PKNOX2: variants seen among roughly 807,000 people sequenced by gnomAD.
PKNOX2 encodes the protein homeobox protein PKNOX2.
In PKNOX2, 14 loss-of-function variants were observed where a neutral mutation model predicts 53.1. The observed-to-expected ratio is 0.26, with a 90% CI of 0.17 to 0.41. The LOEUF (loss-of-function observed/expected upper bound fraction) is 0.41. PKNOX2 is among the 10% of genes least tolerant of loss of function. The probability of loss-of-function intolerance (pLI) is 1.00; values close to 1 mark genes in which losing one functional copy is unlikely to be tolerated. For synonymous variants in PKNOX2, 257 were observed against 242.8 expected (o/e 1.06, Z -0.54); for missense variants, 496 against 602.8 (o/e 0.82, Z 1.85).
chr11:125,300,517 C>T (rs1191053042), intron 2 of PKNOX2, among the ~76,000 whole-genome samples: 8 of 152,122 alleles, frequency 5.3e-5, no homozygotes, highest in Admixed American at 1.3e-4. Context: ...AGCCCAGGCT[C>T]TTAATCACCA....
chr11:125,312,567 G>T (rs563772628), intron 2 of PKNOX2, among the ~76,000 whole-genome samples: 65 of 152,266 alleles, frequency 4.3e-4, no homozygotes, highest in Admixed American at 2.4e-3. Flanking sequence ...GAGGGCCGGG[G>T]CAGCGGGTGC....
intron 1 of PKNOX2, among the ~76,000 whole-genome samples, chr11:125,208,131 A>C (rs938672909): frequency 6.6e-6 from 1 of 152,100 alleles, no homozygotes; most frequent in African/African-American, 2.4e-5. Flanking sequence ...ATGGATGAGA[A>C]TCACTTTTGA....
intron 1 of PKNOX2, among the ~76,000 whole-genome samples, chr11:125,207,120 G>T (rs902363731): frequency 1.3e-5 from 2 of 151,882 alleles, no homozygotes; most frequent in African/African-American, 2.4e-5. Flanking sequence ...TCATTCTAGG[G>T]GGGTGGTGGT....
chr11:125,220,823 T>C (rs1480900564), intron 1 of PKNOX2, among the ~76,000 whole-genome samples: 2 of 152,140 alleles, frequency 1.3e-5, no homozygotes, highest in African/African-American at 4.8e-5. Flanking sequence ...GCCCAACCAG[T>C]AGACACAACA....
chr11:125,358,947 G>A (rs1010668688), intron 4 of PKNOX2, among the ~76,000 whole-genome samples: 1 of 152,228 alleles, frequency 6.6e-6, no homozygotes, highest in Non-Finnish European at 1.5e-5. Flanking sequence ...AGATGAGGCA[G>A]GAGTCCAGTC....
At chr11:125,420,749 C>T (rs1956129412) in intron 10 of PKNOX2, among the ~76,000 whole-genome samples, 1 of 152,010 alleles carries the variant, frequency 6.6e-6, no homozygotes, top group African/African-American at 2.4e-5. Context: ...GTCAGGGGTC[C>T]CAGAGGCCTG....
chr11:125,253,965 C>G (rs577966104), intron 2 of PKNOX2, among the ~76,000 whole-genome samples: 14 of 152,170 alleles, frequency 9.2e-5, no homozygotes, highest in African/African-American at 3.1e-4. Flanking sequence ...AGTGCTCCTG[C>G]TGGGTGGGAG....
At chr11:125,239,310 TC>T (rs1327773227) in intron 2 of PKNOX2, among the ~76,000 whole-genome samples, 1 of 152,194 alleles carries the variant, frequency 6.6e-6, no homozygotes, top group East Asian at 1.9e-4. Flanking sequence ...GGAGCTAGGA[TC>T]CTGGCTGGCT....
At chr11:125,250,261 CT>C (rs1565479438) in intron 2 of PKNOX2, among the ~76,000 whole-genome samples, 2 of 151,886 alleles carry the variant, frequency 1.3e-5, no homozygotes, top group Non-Finnish European at 2.9e-5. Flanking sequence ...ACGTATATTT[CT>C]TTTTTTCAAA....
Position 125,191,177 on chromosome 11 carries a change from T to C in PKNOX2, c.-201+26401T>C, listed in dbSNP as rs1275540182. 10 of 152,074 alleles carry C rather than the reference T, an allele frequency of 6.6e-5. No individual in the cohort carries two copies. In the East Asian group the frequency reaches 1.9e-3, roughly 29 times the overall value. 9.4% of individuals were successfully genotyped at this position (152,074 alleles called of 1,614,324 possible). On this transcript the variant is annotated intron_variant, in intron 1 of 12. Transcript: ENST00000298282. ...CTCTTATTTTGTAGATAAACAACAA[T>C]AAAAAAATGAAGAGACAAGAAGTCA...
chr11:125,237,174 A>G (rs776558995), intron 2 of PKNOX2, among the ~76,000 whole-genome samples: 2 of 152,192 alleles, frequency 1.3e-5, no homozygotes, highest in Middle Eastern at 3.2e-3. Flanking sequence ...GACCCATGTG[A>G]CAGCTCCATG....
chr11:125,232,272 A>G (rs1396224289), intron 1 of PKNOX2, among the ~76,000 whole-genome samples: 1 of 152,228 alleles, frequency 6.6e-6, no homozygotes, highest in African/African-American at 2.4e-5. Flanking sequence ...ATACATCTCT[A>G]GTTTTTTCTA....
intron 2 of PKNOX2, among the ~76,000 whole-genome samples, chr11:125,308,689 G>A (rs1948613844): frequency 6.6e-6 from 1 of 150,542 alleles, no homozygotes; most frequent in African/African-American, 2.5e-5. Context: ...TGGTTTAACT[G>A]CCGTGCTGTG....
rs1954861985 is a variant in PKNOX2, at chr11:125,166,161, G to T, written c.-201+1385G>T. ...ACGCCGGCCAGAGCAGAGGGCTGGA[G>T]GTCGGAGTTGGGGGCTGGAGGAACG... On this transcript the variant is annotated intron_variant, in intron 1 of 12. Coordinates refer to ENST00000298282, the MANE Select transcript of PKNOX2 (RefSeq NM_001382323.2). This position sits in a 1 kb window ranked among gnomAD's most constrained non-coding sequence, Gnocchi z 4.0. 6.6e-6 allele frequency among the ~76,000 whole-genome samples: 1 copy of T among 152,202 alleles called. No individual in the cohort carries two copies. The highest frequency in any genetic ancestry group is 2.1e-4 in the South Asian group (1 of 4,824).
intron 4 of PKNOX2, among the ~76,000 whole-genome samples, chr11:125,356,566 T>C (rs1023567861): frequency 6.6e-6 from 1 of 152,178 alleles, no homozygotes; most frequent in African/African-American, 2.4e-5. Flanking sequence ...GGGAGAATGG[T>C]GTCTGGGACT....
intron 6 of PKNOX2, among the ~76,000 whole-genome samples, chr11:125,396,285 C>A (rs1304068194): frequency 6.6e-6 from 1 of 152,060 alleles, no homozygotes. Flanking sequence ...ACTCTAAGAT[C>A]TCTTTGCCTC....
chr11:125,421,437 T>C (rs149221838), intron 10 of PKNOX2, among the ~76,000 whole-genome samples: 1 of 152,332 alleles, frequency 6.6e-6, no homozygotes, highest in African/African-American at 2.4e-5. Flanking sequence ...TGTTCCTTTA[T>C]GGCAGCATGG....
At chr11:125,284,940 T>C (rs757935202) in intron 2 of PKNOX2, among the ~76,000 whole-genome samples, 12 of 152,056 alleles carry the variant, frequency 7.9e-5, no homozygotes, top group Non-Finnish European at 1.8e-4. Flanking sequence ...GGATACCTAA[T>C]AAGCTTCTGC....
intron 1 of PKNOX2, among the ~76,000 whole-genome samples, chr11:125,189,425 G>GTATATA (rs1279938561): frequency 6.6e-4 from 29 of 43,732 alleles, no homozygotes; most frequent in African/African-American, 2.1e-3. Flanking sequence ...GTGTGTGTGT[G>GTATATA]TGTGTGTGTG....
Sources: allele counts gnomAD v4.1 joint callset (sites outside exome capture counted in the v4.1 genomes callset), GRCh38; gene constraint gnomAD v4.1.1; non-coding constraint Gnocchi (gnomAD v3.1); transcripts MANE v1.5; gene names NCBI Gene and HGNC (gene_info 2026-07-23, HGNC 2026-07-21).